Variants in TRHDE observed in about 807,000 individuals in gnomAD.
TRHDE encodes thyrotropin releasing hormone degrading enzyme.
Under a neutral mutation model 125.7 loss-of-function variants are expected in TRHDE, and 72 were observed. The observed-to-expected ratio is 0.57, with a 90% CI of 0.47 to 0.70. The LOEUF (loss-of-function observed/expected upper bound fraction) is 0.70, where lower values mean the gene tolerates loss of function less well. TRHDE is among the 30% of genes least tolerant of loss of function. The pLI is 0.00. For missense variants in TRHDE, 1,110 were observed against 1,327.1 expected, an observed-to-expected ratio of 0.84 and a Z score of 2.54; for synonymous variants, 509 against 509.1, an observed-to-expected ratio of 1.00 and a Z score of 0.00.
chr12:72,427,203 CCCTGA>C (rs1237293823), intron 3 of TRHDE, among the ~76,000 whole-genome samples: 13 of 152,028 alleles, frequency 8.6e-5, no homozygotes, highest in African/African-American at 3.1e-4. Flanking sequence ...GTTTGCCAAC[CCCTGA>C]TCTAGACAGT....
chr12:72,397,727 A>T (rs1438243114), intron 3 of TRHDE, among the ~76,000 whole-genome samples: 1 of 152,192 alleles, frequency 6.6e-6, no homozygotes, highest in Non-Finnish European at 1.5e-5. Context: ...TCTGAGAGAG[A>T]GAGAGAGAGA....
chr12:72,306,182 C>G (rs1396842780), intron 2 of TRHDE, among the ~76,000 whole-genome samples: 1 of 152,084 alleles, frequency 6.6e-6, no homozygotes, highest in African/African-American at 2.4e-5. Flanking sequence ...TAGTATTTTG[C>G]AAGAGAAATA....
chr12:72,148,648 G>T, intron 2 of TRHDE, among the ~76,000 whole-genome samples: 1 of 152,210 alleles, frequency 6.6e-6, no homozygotes, highest in South Asian at 2.1e-4. Context: ...AGTGTGGTTA[G>T]CTGCAATTAT....
intron 6 of TRHDE, among the ~76,000 whole-genome samples, chr12:72,519,986 C>T (rs1289902344): frequency 6.6e-6 from 1 of 152,210 alleles, no homozygotes; most frequent in Non-Finnish European, 1.5e-5. Flanking sequence ...CTTCAGGAGG[C>T]AGTCTGCCCG....
chr12:72,306,967 A>G (rs1426230162), intron 2 of TRHDE, among the ~76,000 whole-genome samples: 3 of 152,082 alleles, frequency 2.0e-5, no homozygotes, highest in Non-Finnish European at 4.4e-5. Flanking sequence ...GAGGCAGAGG[A>G]ATGCCTAGAA....
At chr12:72,315,720 C>T (rs1429066529) in intron 2 of TRHDE, among the ~76,000 whole-genome samples, 1 of 152,168 alleles carries the variant, frequency 6.6e-6, no homozygotes. Flanking sequence ...TTTGGTTTAG[C>T]CTTGGGTCCT....
intron 3 of TRHDE, among the ~76,000 whole-genome samples, chr12:72,415,620 A>T (rs942148946): frequency 2.6e-5 from 4 of 151,392 alleles, no homozygotes; most frequent in Middle Eastern, 3.4e-3. Flanking sequence ...TGGCTCCCAC[A>T]TATGAGTGAG....
At chr12:72,645,700 A>G (rs1874253284) in intron 15 of TRHDE, among the ~76,000 whole-genome samples, 1 of 152,136 alleles carries the variant, frequency 6.6e-6, no homozygotes, top group Admixed American at 6.6e-5. Context: ...TAAAAAAGAG[A>G]ATTTTGAAAG....
At chr12:72,518,492 T>G (rs1272499142) in intron 6 of TRHDE, among the ~76,000 whole-genome samples, 1 of 152,200 alleles carries the variant, frequency 6.6e-6, no homozygotes, top group Non-Finnish European at 1.5e-5. Context: ...GTTTTCCATT[T>G]GCTTGGTAGA....
intron 18 of TRHDE, among the ~76,000 whole-genome samples, chr12:72,661,925 A>G (rs1050955096): frequency 6.6e-6 from 1 of 152,228 alleles, no homozygotes; most frequent in East Asian, 1.9e-4. Flanking sequence ...CTGCTGGGCA[A>G]AGGGCTTTGT....
intron 3 of TRHDE, among the ~76,000 whole-genome samples, chr12:72,465,333 T>G (rs980289674): frequency 6.6e-6 from 1 of 152,118 alleles, no homozygotes; most frequent in Non-Finnish European, 1.5e-5. Flanking sequence ...ATGAACATAT[T>G]CATCACTCCC....
At chr12:72,209,963 C>T (rs763845727) in intron 2 of TRHDE, among the ~76,000 whole-genome samples, 4 of 151,966 alleles carry the variant, frequency 2.6e-5, no homozygotes, top group Non-Finnish European at 4.4e-5. Flanking sequence ...AGGATCAAGA[C>T]GTAGACATTG....
chr12:72,356,040 A>G (rs1156883999), intron 2 of TRHDE, among the ~76,000 whole-genome samples: 1 of 151,856 alleles, frequency 6.6e-6, no homozygotes, highest in East Asian at 1.9e-4. Flanking sequence ...ATTACTGGGT[A>G]TATACCCAAA....
Position 72,664,078 on chromosome 12 carries a change from A to G in TRHDE, c.*883A>G, listed in dbSNP as rs537220227. 29 of 152,214 alleles carry G rather than the reference A, an allele frequency of 1.9e-4. No homozygotes were observed. The South Asian group carries it at 5.4e-3, about 28-fold the overall frequency. 9.4% of individuals were successfully genotyped at this position (152,214 alleles called of 1,614,324 possible). On this transcript the variant is annotated 3_prime_UTR_variant, in exon 19 of 19. Coordinates refer to ENST00000261180, the MANE Select transcript of TRHDE (RefSeq NM_013381.3). ...TTATGAATTTTTCATCTACTTCTTG[A>G]ACAGTGGTCTATTCTGCTACATGAA... is the stretch of plus-strand genomic sequence containing the variant.
intron 2 of TRHDE, among the ~76,000 whole-genome samples, chr12:72,221,753 A>C (rs1372021350): frequency 6.6e-6 from 1 of 152,172 alleles, no homozygotes; most frequent in African/African-American, 2.4e-5. Flanking sequence ...AATTTAGGTC[A>C]CCAGAATACC....
intron 12 of TRHDE, among the ~76,000 whole-genome samples, chr12:72,611,507 C>T (rs903906349): frequency 5.9e-5 from 9 of 152,142 alleles, no homozygotes. Flanking sequence ...GAAAAGACAG[C>T]CCTCTTGACC....
At chr12:72,383,053 G>A (rs1872256772) in intron 3 of TRHDE, among the ~76,000 whole-genome samples, 1 of 152,162 alleles carries the variant, frequency 6.6e-6, no homozygotes, top group African/African-American at 2.4e-5. Flanking sequence ...TGCACGCTGT[G>A]TGAAAATTTG....
In TRHDE at chr12:72,109,597, G is replaced by A. The variant is rs557144500; in HGVS notation, n.279+3845G>A. On this transcript the variant is annotated intron_variant and non_coding_transcript_variant, in intron 2 of 4. Coordinates refer to the TRHDE transcript ENST00000548156. ...TAGTGGTGACAAAATGGCTGTCAAA[G>A]CTTTAAGTTAATGTCTTTACACAAC... is the stretch of plus-strand genomic sequence containing the variant. Among the ~76,000 whole-genome samples, 200 of 151,328 alleles carry A rather than the reference G, an allele frequency of 1.3e-3. 1 individual carries two copies. The highest frequency in any genetic ancestry group is 2.7e-3 in the South Asian group (13 of 4,792).
At chr12:72,443,119 T>C (rs1875099382) in intron 3 of TRHDE, among the ~76,000 whole-genome samples, 1 of 151,776 alleles carries the variant, frequency 6.6e-6, no homozygotes, top group African/African-American at 2.4e-5. Flanking sequence ...TTTTCCCGAA[T>C]CCTATGCTAC....
Sources: allele counts gnomAD v4.1 joint callset (sites outside exome capture counted in the v4.1 genomes callset), GRCh38; gene constraint gnomAD v4.1.1; transcripts MANE v1.5; gene names NCBI Gene and HGNC (gene_info 2026-07-23, HGNC 2026-07-21).